NAA60: variants seen among roughly 807,000 people sequenced by gnomAD.
The protein encoded by NAA60 is N-alpha-acetyltransferase 60.
Under a neutral mutation model 26.1 loss-of-function variants are expected in NAA60, and 8 were observed. The ratio of observed to expected loss-of-function variants is 0.31; its 90% confidence interval spans 0.18 to 0.55. The LOEUF is 0.55. NAA60 is among the 20% of genes least tolerant of loss of function. The probability of loss-of-function intolerance (pLI) is 0.93; values close to 1 mark genes in which losing one functional copy is unlikely to be tolerated. For synonymous variants in NAA60, 131 were observed against 122.5 expected (o/e 1.07, Z -0.46); for missense variants, 290 against 311.3 (o/e 0.93, Z 0.51).
chr16:3,465,001 C>T (rs182020326), intron 2 of NAA60, among the ~76,000 whole-genome samples: 155 of 152,300 alleles, frequency 1.0e-3, no homozygotes, highest in African/African-American at 3.6e-3. Flanking sequence ...GGTGCAGTGG[C>T]TCAAGCCTGT....
chr16:3,484,735 C>G lies in NAA60; in HGVS notation c.609C>G (p.Ser203Arg), dbSNP rs1444558401. The change falls in exon 7 of 8, where the codon AGC becomes AGG. Residue 203 changes from serine (S) to arginine (R), a missense_variant. Ser to Arg is a moderately radical substitution (Grantham distance 110, BLOSUM62 -1). Coordinates refer to ENST00000407558, the MANE Select transcript of NAA60 (RefSeq NM_001083601.3). ...AGCACCTGGGCTCTGCACTAGCCAG[C>G]CTGAGCCCCTGCTCCATTCCGCACA... ...YIQHLGSALA[S>R]LSPCSIPHRV... is the part of the protein sequence containing the mutation. The G allele has an allele frequency of 6.3e-7, 1 of 1,595,672 alleles. No individual in the cohort carries two copies. The highest frequency in any genetic ancestry group is 1.3e-5 in the African/African-American group (1 of 74,406).
chr16:3,484,029 G>C (rs149659812), intron 6 of NAA60, among the ~76,000 whole-genome samples: 144 of 152,198 alleles, frequency 9.5e-4, no homozygotes, highest in African/African-American at 2.6e-3. Context: ...TGAATACTTG[G>C]GTTCAAACCT....
chr16:3,483,644 A>G (rs748189733), intron 6 of NAA60, 47 bp downstream of exon 6: 3 of 1,477,352 alleles, frequency 2.0e-6, no homozygotes, highest in Non-Finnish European at 2.8e-6. Context: ...CCTGTCCATA[A>G]GGTGGCAGAG....
At chr16:3,468,880 C>G (rs2035934703) in intron 2 of NAA60, among the ~76,000 whole-genome samples, 1 of 152,192 alleles carries the variant, frequency 6.6e-6, no homozygotes, top group Admixed American at 6.5e-5. Flanking sequence ...CGAGACCATC[C>G]TGGCCAACAT....
At position 3,485,965 on chromosome 16, in the gene NAA60, A is replaced by G. The variant is rs530417958; in HGVS notation, c.*705A>G. The G allele has an allele frequency of 2.4e-4, 71 of 293,818 alleles. No individual in the cohort carries two copies. Among genetic ancestry groups the G allele is most frequent in the Admixed American group, 9.7e-4 (21 of 21,686 alleles). The allele number at this position is 293,818 out of a possible 1,614,324, so 18.2% of individuals were successfully genotyped here. A position where few individuals can be genotyped will look rare whatever the true frequency, so the allele number is the denominator to read the frequency against. On this transcript the variant is annotated 3_prime_UTR_variant, in exon 8 of 8. Coordinates refer to ENST00000407558, the MANE Select transcript of NAA60 (RefSeq NM_001083601.3). The stretch of plus-strand genomic sequence containing the variant: ...AGTTACCAGTGCCCTGGGAGGTCAC[A>G]CTGCCCGTCGGACCTTGGCATGCTC...
At chr16:3,465,462 G>A (rs1420436739) in intron 2 of NAA60, among the ~76,000 whole-genome samples, 2 of 152,068 alleles carry the variant, frequency 1.3e-5, no homozygotes, top group African/African-American at 4.8e-5. Context: ...CTGACTGAGT[G>A]GGGCCACAAA....
rs555556319 is a variant in NAA60, at chr16:3,451,161, C to T, written c.-7+2621C>T. ...GCAGGATGTGTGTAATAACACATTT[C>T]CTTGGTCACCATTTGTACCCAGAAT... On this transcript the variant is annotated intron_variant, in intron 2 of 7. Coordinates refer to ENST00000407558, the MANE Select transcript of NAA60 (RefSeq NM_001083601.3). Among the ~76,000 whole-genome samples, 10 of 152,294 alleles carry T rather than the reference C, an allele frequency of 6.6e-5. No homozygotes were observed. In the East Asian group the frequency reaches 1.7e-3, roughly 26 times the overall value.
At chr16:3,473,805 G>A (rs1168630035) in intron 2 of NAA60, among the ~76,000 whole-genome samples, 3 of 152,004 alleles carry the variant, frequency 2.0e-5, no homozygotes, top group Admixed American at 6.6e-5. Context: ...TGCGATCTTG[G>A]CTCACTGCAA....
chr16:3,485,427 G>A (rs766364207), intron 7 of NAA60, 40 bp from the exon 8 acceptor site: 40 of 460,192 alleles, frequency 8.7e-5, no homozygotes, highest in East Asian at 1.4e-4. Context: ...GAGTGTCTCC[G>A]CCGGGCCTTC....
chr16:3,470,735 T>C lies in NAA60; in HGVS notation c.-6-5487T>C, dbSNP rs1031979167. 5.9e-5 allele frequency among the ~76,000 whole-genome samples: 9 copies of C among 152,344 alleles called. No homozygotes were observed. The South Asian group carries it at 6.2e-4, about 11-fold the overall frequency. ...CTTGATCAGCATGAACCCCTGACTC[T>C]AGAGGGAGGCTGATGGGCCAGGGCA... On this transcript the variant is annotated intron_variant, in intron 2 of 7. Coordinates refer to ENST00000407558, the MANE Select transcript of NAA60 (RefSeq NM_001083601.3).
intron 2 of NAA60, among the ~76,000 whole-genome samples, chr16:3,466,199 A>G (rs1001549402): frequency 2.0e-5 from 3 of 152,182 alleles, no homozygotes; most frequent in Admixed American, 6.5e-5. Flanking sequence ...TAAAAACAGA[A>G]TCCTCCATTG....
At chr16:3,484,523 A>G in intron 6 of NAA60, 176 bp from the exon 7 acceptor site, 1 of 783,438 alleles carries the variant, frequency 1.3e-6, no homozygotes, top group Non-Finnish European at 2.0e-6. Flanking sequence ...TGCACAGCAG[A>G]GGCCACTTCG....
intron 2 of NAA60, among the ~76,000 whole-genome samples, chr16:3,461,156 A>G (rs533496441): frequency 7.2e-5 from 11 of 152,346 alleles, no homozygotes; most frequent in Non-Finnish European, 1.6e-4. Context: ...CTGCTGATTA[A>G]AGAGAGACCT....
In NAA60 at chr16:3,484,824, A is replaced by G; in HGVS notation, c.698A>G (p.Lys233Arg). The G allele has an allele frequency of 6.4e-7, 1 of 1,570,660 alleles. No homozygotes were observed. The highest frequency in any genetic ancestry group is 8.6e-7 in the Non-Finnish European group (1 of 1,158,822). Reference sequence around the variant, plus strand: ...CTGCCATGGTCGGGCATCTCTTCCAAGAGTGGCATCGAGTACAGCCGGACC... The same window carrying G: ...CTGCCATGGTCGGGCATCTCTTCCAGGAGTGGCATCGAGTACAGCCGGACC... ...SFLPWSGISS[K>R]SGIEYSRTM Residue 233 changes from lysine (K) to arginine (R), a missense_variant, in exon 7 of 8, where the codon AAG becomes AGG. Lys to Arg is a conservative substitution (Grantham distance 26). Coordinates refer to ENST00000407558, the MANE Select transcript of NAA60 (RefSeq NM_001083601.3).
intron 2 of NAA60, among the ~76,000 whole-genome samples, chr16:3,454,817 G>C (rs2034913286): frequency 6.6e-6 from 1 of 152,148 alleles, no homozygotes; most frequent in South Asian, 2.1e-4. Flanking sequence ...ACCTTAATGG[G>C]TTAAACCAGT....
At chr16:3,458,843 AG>A (rs1212754794) in intron 2 of NAA60, among the ~76,000 whole-genome samples, 1 of 152,164 alleles carries the variant, frequency 6.6e-6, no homozygotes, top group Non-Finnish European at 1.5e-5. Flanking sequence ...GGTACTTCCC[AG>A]GGAGTAAAGG....
intron 2 of NAA60, among the ~76,000 whole-genome samples, chr16:3,470,673 G>T (rs186274288): frequency 1.7e-4 from 14 of 82,118 alleles, no homozygotes; most frequent in Non-Finnish European, 3.4e-4. Flanking sequence ...AGTGGGGTTG[G>T]GGGGGGCCGC....
At chr16:3,448,762 A>G in intron 2 of NAA60, 1 of 458,330 alleles carries the variant, frequency 2.2e-6, no homozygotes, top group South Asian at 2.8e-5. Context: ...CAGTACAAGT[A>G]TGCCAGCCTC....
intron 2 of NAA60, chr16:3,450,033 AAAAAG>A: frequency 2.8e-6 from 1 of 361,600 alleles, no homozygotes; most frequent in Non-Finnish European, 4.8e-6. Flanking sequence ...ATCGTCTCAA[AAAAAG>A]AGAAAAGAAG....
Sources: gnomAD v4.1 joint callset for allele counts (sites outside exome capture counted in the v4.1 genomes callset) on GRCh38, gnomAD v4.1.1 for gene constraint, MANE v1.5 for transcripts, NCBI Gene and HGNC (gene_info 2026-07-23, HGNC 2026-07-21) for gene names.